ENTPD1: variants seen among roughly 807,000 people sequenced by gnomAD.
ENTPD1 encodes ATP diphosphohydrolase.
Under a neutral mutation model 57.0 loss-of-function variants are expected in ENTPD1, and 33 were observed. The observed-to-expected ratio is 0.58, with a 90% CI of 0.44 to 0.77. ENTPD1 has a LOEUF of 0.77. Among genes scored for constraint, ENTPD1 ranks in the 30% least tolerant of loss-of-function variants. The pLI is 0.00. For missense variants in ENTPD1, 501 were observed against 603.4 expected (o/e 0.83, Z 1.78); for synonymous variants, 202 against 218.8 (o/e 0.92, Z 0.68).
intron 7 of ENTPD1, among the ~76,000 whole-genome samples, chr10:95,859,836 A>G (rs1316291426): frequency 1.0e-5 from 1 of 97,854 alleles, no homozygotes; most frequent in Non-Finnish European, 2.2e-5. Flanking sequence ...TTTAGAGGTC[A>G]TTTTAATAGA....
At chr10:95,803,514 A>G (rs547811490) in intron 1 of ENTPD1, among the ~76,000 whole-genome samples, 1 of 152,254 alleles carries the variant, frequency 6.6e-6, no homozygotes, top group African/African-American at 2.4e-5. Context: ...CTCTTTTGAG[A>G]AGTGTCTGTT....
chr10:95,848,179 TC>T (rs2098439041), intron 7 of ENTPD1, among the ~76,000 whole-genome samples: 1 of 152,132 alleles, frequency 6.6e-6, no homozygotes, highest in South Asian at 2.1e-4. Context: ...AGAGCAGACT[TC>T]CCAGGGCTGG....
intron 1 of ENTPD1, among the ~76,000 whole-genome samples, chr10:95,723,719 G>A (rs1589645325): frequency 6.6e-6 from 1 of 152,182 alleles, no homozygotes; most frequent in Non-Finnish European, 1.5e-5. Flanking sequence ...TTCTGGCTGT[G>A]CCATGATCTG....
chr10:95,767,656 C>T (rs2098095166), intron 1 of ENTPD1, among the ~76,000 whole-genome samples: 1 of 151,486 alleles, frequency 6.6e-6, no homozygotes, highest in African/African-American at 2.4e-5. Flanking sequence ...AATCTTGATT[C>T]CTTTCATAAT....
intron 1 of ENTPD1, among the ~76,000 whole-genome samples, chr10:95,765,382 G>A (rs2098084697): frequency 6.6e-6 from 1 of 152,108 alleles, no homozygotes; most frequent in Admixed American, 6.5e-5. Context: ...TGAGGTAGGG[G>A]CCAAACTTCA....
At chr10:95,812,136 G>A (rs1230584578) in intron 1 of ENTPD1, among the ~76,000 whole-genome samples, 1 of 146,770 alleles carries the variant, frequency 6.8e-6, no homozygotes, top group African/African-American at 2.4e-5. Context: ...AAGGTGTAAA[G>A]TTCTATGAAT....
At chr10:95,780,785 C>T (rs1182355151) in intron 1 of ENTPD1, among the ~76,000 whole-genome samples, 1 of 152,096 alleles carries the variant, frequency 6.6e-6, no homozygotes, top group African/African-American at 2.4e-5. Flanking sequence ...GGTCTGTGTC[C>T]AAGTCCTTGG....
At chr10:95,768,506 T>TTC (rs5787160) in intron 1 of ENTPD1, among the ~76,000 whole-genome samples, 2 of 148,630 alleles carry the variant, frequency 1.3e-5, no homozygotes, top group Non-Finnish European at 3.0e-5. Context: ...TTTTCTTTCT[T>TTC]TCTCTCTCTC....
At chr10:95,711,972 G>A in exon 1 of ENTPD1, 1 of 1,612,768 alleles carries the variant, frequency 6.2e-7, no homozygotes, top group Non-Finnish European at 8.5e-7. Context: ...GGGAACCAAG[G>A]ACCTGACAAG....
At chr10:95,817,363 C>T (rs2098333543) in intron 1 of ENTPD1, among the ~76,000 whole-genome samples, 2 of 152,190 alleles carry the variant, frequency 1.3e-5, no homozygotes, top group Non-Finnish European at 2.9e-5. Context: ...TTTGAGTAGC[C>T]TCAGCACATC....
At chr10:95,709,603 C>G (rs2097963948), upstream of ENTPD1, among the ~76,000 whole-genome samples, 1 of 152,002 alleles carries the variant, frequency 6.6e-6, no homozygotes, top group Non-Finnish European at 1.5e-5. Context: ...AGGCTGGTCT[C>G]AAACTCATGA....
At position 95,870,960 on chromosome 10, in the gene ENTPD1, G is replaced by T. The variant is rs759876232; in HGVS notation, c.*4577G>T. On this transcript the variant is annotated 3_prime_UTR_variant, in exon 10 of 10. Coordinates refer to ENST00000371205, the MANE Select transcript of ENTPD1 (RefSeq NM_001776.6). ...ATCAGACCTATTCCATATACCTCTT[G>T]TTCTCCTTGTCCAGTGGTTTCTAGG... is the stretch of plus-strand genomic sequence containing the variant. The T allele has an allele frequency of 6.8e-5, 67 of 985,400 alleles. No homozygotes were observed. The highest frequency in any genetic ancestry group is 7.8e-5 in the Non-Finnish European group (65 of 829,938). The allele number at this position is 985,400 out of a possible 1,614,324, so 61.0% of individuals were successfully genotyped here.
intron 4 of ENTPD1, among the ~76,000 whole-genome samples, chr10:95,843,714 T>C (rs993650772): frequency 3.3e-5 from 5 of 152,032 alleles, no homozygotes; most frequent in Non-Finnish European, 5.9e-5. Flanking sequence ...GTAGAGAAGA[T>C]GGATTGGAGG....
At chr10:95,821,159 T>G (rs1323075409) in intron 1 of ENTPD1, among the ~76,000 whole-genome samples, 2 of 152,208 alleles carry the variant, frequency 1.3e-5, no homozygotes, top group African/African-American at 4.8e-5. Flanking sequence ...GGGGTGCCCT[T>G]AGAGGGTTCT....
At chr10:95,696,213 T>C in the ENTPD1 span, among the ~76,000 whole-genome samples, 2 of 152,172 alleles carry the variant, frequency 1.3e-5, no homozygotes, top group Non-Finnish European at 1.5e-5. Context: ...TTCTCTTTTG[T>C]TATAGTTAAG....
At chr10:95,853,255 C>T (rs1290848140) in intron 7 of ENTPD1, among the ~76,000 whole-genome samples, 6 of 151,996 alleles carry the variant, frequency 3.9e-5, no homozygotes, top group African/African-American at 9.7e-5. Flanking sequence ...TGTATAAGAA[C>T]GCTTGTGGTT....
chr10:95,844,424 G>A (rs905308071), intron 4 of ENTPD1, 52 bp from the exon 5 acceptor site: 6 of 1,611,122 alleles, frequency 3.7e-6, no homozygotes, highest in Middle Eastern at 1.8e-4. Context: ...AATGGGTAAT[G>A]TAATATAATT....
chr10:95,712,834 A>G (rs2139808317), intron 1 of ENTPD1, among the ~76,000 whole-genome samples: 1 of 152,290 alleles, frequency 6.6e-6, no homozygotes, highest in East Asian at 1.9e-4. Flanking sequence ...GGAGATCGAG[A>G]CCATCCTGGC....
At chr10:95,776,547 C>A (rs976627819) in intron 1 of ENTPD1, among the ~76,000 whole-genome samples, 1 of 152,192 alleles carries the variant, frequency 6.6e-6, no homozygotes, top group East Asian at 1.9e-4. Context: ...GGTAACCCGA[C>A]CTTTCTCTCT....
Sources: gnomAD v4.1 joint callset for allele counts (sites outside exome capture counted in the v4.1 genomes callset) on GRCh38, gnomAD v4.1.1 for gene constraint, MANE v1.5 for transcripts, NCBI Gene and HGNC (gene_info 2026-07-23, HGNC 2026-07-21) for gene names.